The following SBSPON variants were observed in gnomAD, a reference collection of about 807,000 sequenced individuals.
SBSPON encodes somatomedin B and thrombospondin type 1 domain containing.
SBSPON carries 30 observed loss-of-function variants against 35.8 expected under a neutral mutation model. The observed-to-expected ratio is 0.84, with a 90% CI of 0.63 to 1.14. SBSPON has a LOEUF of 1.14. Among genes scored for constraint, SBSPON ranks in the 50% most tolerant of loss-of-function variants. SBSPON has a pLI of 0.00. For synonymous variants in SBSPON, 136 were observed against 135.9 expected (o/e 1.00, Z 0.00); for missense variants, 364 against 357.7 (o/e 1.02, Z -0.14).
At chr8:73,078,809 G>GT (rs1429230427) in intron 2 of SBSPON, among the ~76,000 whole-genome samples, 1 of 152,010 alleles carries the variant, frequency 6.6e-6, no homozygotes, top group African/African-American at 2.4e-5. Context: ...TATGACCACC[G>GT]TATCAATGGG....
At chr8:73,091,730 C>T (rs1810939017) in intron 1 of SBSPON, among the ~76,000 whole-genome samples, 1 of 152,206 alleles carries the variant, frequency 6.6e-6, no homozygotes, top group Non-Finnish European at 1.5e-5. Context: ...TATCAATATT[C>T]ACAGGTAAAT....
chr8:73,066,611 T>G lies in SBSPON; in HGVS notation c.*730A>C, dbSNP rs1810391205. On this transcript the variant is annotated 3_prime_UTR_variant, in exon 5 of 5. Transcript: ENST00000297354. ...TTAGATGCAAATGGTGGTAGAATTT[T>G]CAGAATGAAAGCAATTGTTTCATTC... is the stretch of plus-strand genomic sequence containing the variant. The G allele has an allele frequency of 6.6e-6, 1 of 152,220 alleles. No individual in the cohort carries two copies. Among genetic ancestry groups the G allele is most frequent in the African/African-American group, 2.4e-5 (1 of 41,438 alleles). 9.4% of individuals were successfully genotyped at this position (152,220 alleles called of 1,614,324 possible).
rs905867332 is a variant in SBSPON, at chr8:73,065,641, G to T, written c.*1700C>A. On this transcript the variant is annotated 3_prime_UTR_variant, in exon 5 of 5. Coordinates refer to ENST00000297354, the MANE Select transcript of SBSPON (RefSeq NM_153225.4). Reference sequence around the variant, plus strand: ...AAAAAAAACAAAAAATTAGCCAGGCGTGATGACGGCGCCTGTAGTCCCAGC... The same window carrying T: ...AAAAAAAACAAAAAATTAGCCAGGCTTGATGACGGCGCCTGTAGTCCCAGC... 6.6e-6 allele frequency: 1 copy of T among 151,812 alleles called. No individual in the cohort carries two copies. The highest frequency in any genetic ancestry group is 6.6e-5 in the Admixed American group (1 of 15,230). 9.4% of individuals were successfully genotyped at this position (151,812 alleles called of 1,614,324 possible).
intron 2 of SBSPON, among the ~76,000 whole-genome samples, chr8:73,076,438 A>G (rs1161199108): frequency 6.6e-6 from 1 of 152,112 alleles, no homozygotes; most frequent in Non-Finnish European, 1.5e-5. Flanking sequence ...GATCCTAAGA[A>G]AGAGCTGGTC....
chr8:73,087,401 C>A (rs1235106968), intron 1 of SBSPON, among the ~76,000 whole-genome samples: 1 of 152,074 alleles, frequency 6.6e-6, no homozygotes, highest in Non-Finnish European at 1.5e-5. Context: ...TGGGAGAGCG[C>A]CTGGTATGGA....
At chr8:73,080,642 T>A (rs1262870608) in intron 2 of SBSPON, among the ~76,000 whole-genome samples, 1 of 152,230 alleles carries the variant, frequency 6.6e-6, no homozygotes, top group Non-Finnish European at 1.5e-5. Flanking sequence ...GAAATAGCGT[T>A]ATACTTCCTG....
intron 1 of SBSPON, among the ~76,000 whole-genome samples, chr8:73,086,915 T>C (rs754703847): frequency 7.2e-5 from 11 of 152,226 alleles, no homozygotes; most frequent in African/African-American, 1.7e-4. Flanking sequence ...ATAGAGGAAA[T>C]GTGGCTCTAC....
chr8:73,077,936 C>G (rs1303205138), intron 2 of SBSPON, among the ~76,000 whole-genome samples: 1 of 152,220 alleles, frequency 6.6e-6, no homozygotes, highest in Non-Finnish European at 1.5e-5. Flanking sequence ...AGAAAACTGT[C>G]TGATTTACCC....
intron 2 of SBSPON, chr8:73,075,876 CA>C: frequency 7.8e-6 from 2 of 257,090 alleles, no homozygotes; most frequent in Non-Finnish European, 1.2e-5. Flanking sequence ...CAATGATGTG[CA>C]ACACATTCAG....
intron 1 of SBSPON, 146 bp downstream of exon 1, chr8:73,092,705 TACC>T: frequency 1.6e-6 from 1 of 615,938 alleles, no homozygotes. Flanking sequence ...GAGCCGGGCG[TACC>T]TGGATGGCGG....
rs1810356010 is a variant in SBSPON at position 73,064,732 on chromosome 8, C to T, written c.*2609G>A. The T allele has an allele frequency of 1.3e-5, 2 of 149,348 alleles. No individual in the cohort carries two copies. The highest frequency in any genetic ancestry group is 4.9e-5 in the African/African-American group (2 of 40,682). 9.3% of individuals were successfully genotyped at this position (149,348 alleles called of 1,614,324 possible). A position where few individuals can be genotyped will look rare whatever the true frequency, so the allele number is the denominator to read the frequency against. ...AAAAAGAATACTGTGATTATAGTTACCTTATTCCTTTTTCTATTCTTTTTT... is the reference window on the plus strand; with the variant it reads ...AAAAAGAATACTGTGATTATAGTTATCTTATTCCTTTTTCTATTCTTTTTT... On this transcript the variant is annotated 3_prime_UTR_variant, in exon 5 of 5. Transcript: ENST00000297354.
At chr8:73,085,473 G>A (rs1224951099) in intron 1 of SBSPON, 1 of 151,440 alleles carries the variant, frequency 6.6e-6, no homozygotes, top group African/African-American at 2.4e-5. Flanking sequence ...TGCCACTCAT[G>A]GTCTGACATG....
At chr8:73,072,664 G>A (rs1227809674) in intron 2 of SBSPON, among the ~76,000 whole-genome samples, 4 of 152,108 alleles carry the variant, frequency 2.6e-5, no homozygotes, top group African/African-American at 7.2e-5. Flanking sequence ...GTGAAACTCC[G>A]TCTCAAAAAG....
At chr8:73,067,620 T>C (rs1278273228) in intron 4 of SBSPON, among the ~76,000 whole-genome samples, 162 bp from the exon 5 acceptor site, 1 of 130,750 alleles carries the variant, frequency 7.6e-6, no homozygotes, top group Non-Finnish European at 1.6e-5. Flanking sequence ...TTTTTTTTTT[T>C]TCTAATTAGC....
rs147799714 is a variant in SBSPON, at chr8:73,086,285, C to T, written c.215-5072G>A. On this transcript the variant is annotated intron_variant, in intron 1 of 4. Transcript: ENST00000297354. ...AAGAGATTCTCATGCTTCAGCCTCCCGAGTAGCTGGGATTATAGGAGCGCA... is the reference window on the plus strand; with the variant it reads ...AAGAGATTCTCATGCTTCAGCCTCCTGAGTAGCTGGGATTATAGGAGCGCA... Among the ~76,000 whole-genome samples the T allele has an allele frequency of 4.5e-4, 69 of 152,062 alleles. 1 individual carries two copies. The highest frequency in any genetic ancestry group is 1.5e-3 in the African/African-American group (64 of 41,464).
At chr8:73,069,763 A>T in intron 4 of SBSPON, 42 bp downstream of exon 4, 1 of 1,528,548 alleles carries the variant, frequency 6.5e-7, no homozygotes, top group Non-Finnish European at 9.1e-7. Flanking sequence ...ATTTCTCAGA[A>T]TGAGTGACAA....
At chr8:73,086,944 C>T (rs1356968844) in intron 1 of SBSPON, among the ~76,000 whole-genome samples, 1 of 152,180 alleles carries the variant, frequency 6.6e-6, no homozygotes, top group Non-Finnish European at 1.5e-5. Flanking sequence ...GCGGTGCCGT[C>T]TGAAGCCATG....
rs113997074 is a variant in SBSPON at position 73,074,663 on chromosome 8, T to C, written c.410-2793A>G. 643 of 708,858 alleles carry C rather than the reference T, an allele frequency of 9.1e-4. 6 individuals are homozygous for C. In the African/African-American group the frequency reaches 0.012, roughly 13 times the overall value. 43.9% of individuals were successfully genotyped at this position (708,858 alleles called of 1,614,324 possible). ...TGAATTATTTAAATTTGGCTTTATT[T>C]TCCCTTTCTGTCACGAATCATTATG... is the stretch of plus-strand genomic sequence containing the variant. On this transcript the variant is annotated intron_variant, in intron 2 of 4. Coordinates refer to ENST00000297354, the MANE Select transcript of SBSPON (RefSeq NM_153225.4).
chr8:73,085,565 A>G (rs1810807311), intron 1 of SBSPON: 1 of 151,626 alleles, frequency 6.6e-6, no homozygotes, highest in Non-Finnish European at 1.5e-5. Context: ...TTTTGGACCC[A>G]TCTTTCTAGG....
Sources: gnomAD v4.1 joint callset for allele counts (sites outside exome capture counted in the v4.1 genomes callset) on GRCh38, gnomAD v4.1.1 for gene constraint, MANE v1.5 for transcripts, NCBI Gene and HGNC (gene_info 2026-07-23, HGNC 2026-07-21) for gene names.